The following VEPH1 variants were observed in gnomAD, a reference collection of about 807,000 sequenced individuals.
VEPH1 encodes ventricular zone expressed PH domain containing 1.
VEPH1 carries 80 observed loss-of-function variants against 85.2 expected under a neutral mutation model. The observed-to-expected ratio is 0.94, with a 90% CI of 0.78 to 1.13. The LOEUF (loss-of-function observed/expected upper bound fraction) is 1.13. Ranked by LOEUF, VEPH1 falls within the 50% of genes most tolerant of loss-of-function variation. The pLI, the probability that VEPH1 is intolerant of heterozygous loss-of-function variation, is 0.00. For missense variants in VEPH1, 955 were observed against 980.5 expected (o/e 0.97, Z 0.35); for synonymous variants, 297 against 348.0 (o/e 0.85, Z 1.63).
chr3:157,397,552 G>A (rs1026576439), intron 6 of VEPH1, among the ~76,000 whole-genome samples: 1 of 152,162 alleles, frequency 6.6e-6, no homozygotes, highest in Non-Finnish European at 1.5e-5. Flanking sequence ...CTATCAATGA[G>A]TATGGTATGT....
chr3:157,463,621 G>A (rs537236414), intron 3 of VEPH1, among the ~76,000 whole-genome samples: 68 of 152,274 alleles, frequency 4.5e-4, no homozygotes, highest in African/African-American at 1.6e-3. Context: ...TTAGTGCTCA[G>A]CTTTAGAAGT....
intron 5 of VEPH1, among the ~76,000 whole-genome samples, chr3:157,416,171 T>A (rs986900122): frequency 6.6e-6 from 1 of 152,182 alleles, no homozygotes; most frequent in Non-Finnish European, 1.5e-5. Context: ...GTAATTTATA[T>A]AGAGTGACAT....
intron 11 of VEPH1, among the ~76,000 whole-genome samples, chr3:157,288,656 C>T (rs1717087128): frequency 6.6e-6 from 1 of 152,192 alleles, no homozygotes; most frequent in Non-Finnish European, 1.5e-5. Context: ...TTTACACTCC[C>T]TGGAACATAA....
chr3:157,482,529 T>C (rs1419053166), intron 2 of VEPH1, among the ~76,000 whole-genome samples: 1 of 152,158 alleles, frequency 6.6e-6, no homozygotes, highest in Non-Finnish European at 1.5e-5. Context: ...CAGCTGATGT[T>C]GATAGTTTGA....
At position 157,359,006 on chromosome 3, in the gene VEPH1, GA is replaced by G. The variant is rs374816452; in HGVS notation, c.1735+4357del. Among the ~76,000 whole-genome samples, 116 of 151,630 alleles carry G rather than the reference GA, an allele frequency of 7.7e-4. 2 individuals carry two copies. In the South Asian group the frequency reaches 0.014, roughly 19 times the overall value. ...TGAGACTCCATCTCAAAAAAGAAAAGAAAAAAACAAAAAAGAAAAATCAACT... is the reference window on the plus strand; with the variant it reads ...TGAGACTCCATCTCAAAAAAGAAAAGAAAAAACAAAAAAGAAAAATCAACT... On this transcript the variant is annotated intron_variant, in intron 9 of 13. Transcript: ENST00000362010.
intron 6 of VEPH1, among the ~76,000 whole-genome samples, chr3:157,383,703 G>C (rs938829621): frequency 1.1e-4 from 16 of 152,134 alleles, no homozygotes; most frequent in African/African-American, 3.6e-4. Context: ...TGAGACAGAG[G>C]CTTGTGCTTT....
chr3:157,309,095 A>G (rs1286315560), intron 11 of VEPH1, among the ~76,000 whole-genome samples: 4 of 151,868 alleles, frequency 2.6e-5, no homozygotes, highest in Non-Finnish European at 4.4e-5. Context: ...TGTTGTTATT[A>G]TTATTATTAT....
intron 12 of VEPH1, among the ~76,000 whole-genome samples, chr3:157,275,904 G>C (rs1007071371): frequency 6.6e-6 from 1 of 152,014 alleles, no homozygotes; most frequent in African/African-American, 2.4e-5. Flanking sequence ...TATAATTCCA[G>C]AGGATATGCA....
At chr3:157,351,586 A>G (rs1724878505) in intron 9 of VEPH1, among the ~76,000 whole-genome samples, 1 of 152,184 alleles carries the variant, frequency 6.6e-6, no homozygotes, top group Admixed American at 6.5e-5. Flanking sequence ...TGTCTACTGG[A>G]AATTCTTATT....
intron 12 of VEPH1, among the ~76,000 whole-genome samples, chr3:157,269,716 C>T (rs1439821682): frequency 7.9e-5 from 11 of 139,912 alleles, no homozygotes; most frequent in African/African-American, 2.7e-4. Flanking sequence ...AGGTCTATTG[C>T]CCATAGTACG....
intron 4 of VEPH1, chr3:157,442,585 G>A (rs1485671058): frequency 2.5e-6 from 4 of 1,614,228 alleles, no homozygotes; most frequent in East Asian, 2.2e-5. Context: ...GTGGTGGGTG[G>A]AGAGGAGAAC....
chr3:157,342,918 T>C (rs991177597), intron 9 of VEPH1, among the ~76,000 whole-genome samples: 19 of 152,226 alleles, frequency 1.2e-4, no homozygotes, highest in African/African-American at 4.6e-4. Flanking sequence ...AACCTGCTCC[T>C]GAATGACTAC....
intron 2 of VEPH1, among the ~76,000 whole-genome samples, chr3:157,476,390 A>G (rs1737476454): frequency 6.6e-6 from 1 of 152,254 alleles, no homozygotes; most frequent in Non-Finnish European, 1.5e-5. Flanking sequence ...GAGGGATCAC[A>G]GAGCATTTGG....
chr3:157,325,191 T>A (rs1577343715), intron 9 of VEPH1, among the ~76,000 whole-genome samples: 1 of 152,284 alleles, frequency 6.6e-6, no homozygotes, highest in African/African-American at 2.4e-5. Context: ...GTTGTTTGTT[T>A]TTTTTTCTTG....
intron 2 of VEPH1, among the ~76,000 whole-genome samples, chr3:157,490,324 G>A (rs1271469666): frequency 1.3e-5 from 2 of 151,862 alleles, no homozygotes; most frequent in Non-Finnish European, 2.9e-5. Context: ...GTATCAGAGT[G>A]AGATATGCAA....
chr3:157,397,361 C>T (rs1730477913), intron 6 of VEPH1, among the ~76,000 whole-genome samples: 1 of 152,042 alleles, frequency 6.6e-6, no homozygotes, highest in Admixed American at 6.6e-5. Flanking sequence ...AGTTGGATGG[C>T]GTGATTCCTC....
intron 3 of VEPH1, among the ~76,000 whole-genome samples, chr3:157,460,688 C>T (rs1838143): frequency 0.41 from 62,823 of 151,896 alleles, 13,241 homozygotes; most frequent in African/African-American, 0.48. Flanking sequence ...TAGTTGGGAC[C>T]TCATGGATGA....
intron 9 of VEPH1, among the ~76,000 whole-genome samples, chr3:157,349,985 G>A (rs1448730204): frequency 6.6e-6 from 1 of 152,036 alleles, no homozygotes; most frequent in Non-Finnish European, 1.5e-5. Flanking sequence ...CCATCAAAAT[G>A]CCTATGACAT....
At chr3:157,409,926 A>C in intron 6 of VEPH1, 1 of 985,390 alleles carries the variant, frequency 1.0e-6, no homozygotes, top group Admixed American at 6.1e-5. Flanking sequence ...CCAGAAAACA[A>C]AGGAGGTATG....
Sources: allele counts gnomAD v4.1 joint callset (sites outside exome capture counted in the v4.1 genomes callset), GRCh38; gene constraint gnomAD v4.1.1; transcripts MANE v1.5; gene names NCBI Gene and HGNC (gene_info 2026-07-23, HGNC 2026-07-21).